TMED10: variants seen among roughly 807,000 people sequenced by gnomAD.
The protein encoded by TMED10 is transmembrane p24 trafficking protein 10, also known as transmembrane emp24 domain-containing protein 10.
Under a neutral mutation model 23.1 loss-of-function variants are expected in TMED10, and 7 were observed. That is an observed-to-expected ratio of 0.30 (90% CI 0.17 to 0.57). TMED10 has a LOEUF of 0.57. Ranked by LOEUF, TMED10 falls within the 20% of genes least tolerant of loss-of-function variation. The probability of loss-of-function intolerance (pLI) is 0.91; values close to 1 mark genes in which losing one functional copy is unlikely to be tolerated. For synonymous variants in TMED10, 113 were observed against 106.9 expected, an observed-to-expected ratio of 1.06 and a Z score of -0.35; for missense variants, 162 against 274.8, an observed-to-expected ratio of 0.59 and a Z score of 2.90.
rs554043879 is a variant in TMED10, at chr14:75,133,048, T to C, written c.*1837A>G. On this transcript the variant is annotated 3_prime_UTR_variant, in exon 5 of 5. Transcript: ENST00000303575. Reference sequence around the variant, plus strand: ...CCTACAGTGATTATTGGCTTTGCTTTCATAACATGTATTTTTAAGTATTTA... The same window carrying C: ...CCTACAGTGATTATTGGCTTTGCTTCCATAACATGTATTTTTAAGTATTTA... 1.3e-5 allele frequency: 2 copies of C among 152,364 alleles called. No homozygotes were observed. The highest frequency in any genetic ancestry group is 4.8e-5 in the African/African-American group (2 of 41,586). The allele number at this position is 152,364 out of a possible 1,614,324, so 9.4% of individuals were successfully genotyped here. A position where few individuals can be genotyped will look rare whatever the true frequency, so the allele number is the denominator to read the frequency against.
chr14:75,164,538 TA>T (rs1896126722), intron 1 of TMED10, among the ~76,000 whole-genome samples: 1 of 8,918 alleles, frequency 1.1e-4, no homozygotes, highest in Non-Finnish European at 2.4e-4. Context: ...GCCTAATATA[TA>T]TATATATATA....
At chr14:75,158,696 G>A (rs1245389933) in intron 1 of TMED10, among the ~76,000 whole-genome samples, 5 of 151,768 alleles carry the variant, frequency 3.3e-5, no homozygotes, top group East Asian at 2.0e-4. Flanking sequence ...AGGCCGAGGC[G>A]GGCAGATCAC....
chr14:75,170,148 AC>A (rs1896214242), intron 1 of TMED10, among the ~76,000 whole-genome samples: 1 of 151,942 alleles, frequency 6.6e-6, no homozygotes, highest in Admixed American at 6.6e-5. Context: ...AATGGTGTGA[AC>A]CCCGGGGAGC....
chr14:75,160,876 C>G (rs918278911), intron 1 of TMED10, among the ~76,000 whole-genome samples: 1 of 152,090 alleles, frequency 6.6e-6, no homozygotes, highest in African/African-American at 2.4e-5. Flanking sequence ...AAAACCCTGT[C>G]TCTGCTAAAA....
intron 1 of TMED10, among the ~76,000 whole-genome samples, chr14:75,165,941 A>G (rs905808902): frequency 2.0e-5 from 3 of 150,924 alleles, no homozygotes; most frequent in Non-Finnish European, 4.4e-5. Flanking sequence ...CATTTGCTAC[A>G]TTAACTTAAC....
In TMED10 at chr14:75,147,252, G is replaced by A. The variant is rs1382806474; in HGVS notation, c.411+412C>T. Among the ~76,000 whole-genome samples, 10 of 145,854 alleles carry A rather than the reference G, an allele frequency of 6.9e-5. No homozygotes were observed. In the East Asian group the frequency reaches 1.4e-3, roughly 20 times the overall value. Reference sequence around the variant, plus strand: ...CGCCCAGGCTGGAGTGCAGTGGCACGATCTCGGCTCACTGCAGCCTCTGCC... The same window carrying A: ...CGCCCAGGCTGGAGTGCAGTGGCACAATCTCGGCTCACTGCAGCCTCTGCC... On this transcript the variant is annotated intron_variant, in intron 3 of 4. Transcript: ENST00000303575.
rs1241329195 is a variant in TMED10 at position 75,133,137 on chromosome 14, C to G, written c.*1748G>C. On this transcript the variant is annotated 3_prime_UTR_variant, in exon 5 of 5. Coordinates refer to ENST00000303575, the MANE Select transcript of TMED10 (RefSeq NM_006827.6). ...ATCTCTTAATTCTCTAGATGGAACACTGAAGGACAGGAATTAAGTAAGTGA... is the reference window on the plus strand; with the variant it reads ...ATCTCTTAATTCTCTAGATGGAACAGTGAAGGACAGGAATTAAGTAAGTGA... 6.6e-6 allele frequency: 1 copy of G among 152,144 alleles called. No individual in the cohort carries two copies. The highest frequency in any genetic ancestry group is 1.5e-5 in the Non-Finnish European group (1 of 68,046). The allele number at this position is 152,144 out of a possible 1,614,324, so 9.4% of individuals were successfully genotyped here.
chr14:75,147,784 T>C (rs764922489), intron 2 of TMED10, 47 bp from the exon 3 acceptor site: 9 of 1,602,444 alleles, frequency 5.6e-6, no homozygotes, highest in Middle Eastern at 3.4e-4. Context: ...CTTAAAATTC[T>C]GGGAAATTAC....
chr14:75,159,457 A>C (rs74374944), intron 1 of TMED10, among the ~76,000 whole-genome samples: 3,289 of 152,368 alleles, frequency 0.022, 73 homozygotes, highest in African/African-American at 0.052. Flanking sequence ...AAAGAGACTA[A>C]GTCATTGGCC....
Position 75,135,034 on chromosome 14 carries a change from A to G in TMED10, c.539-28T>C, listed in dbSNP as rs12435391. On this transcript the variant is annotated intron_variant, in intron 4 of 4. Coordinates refer to ENST00000303575, the MANE Select transcript of TMED10 (RefSeq NM_006827.6). ...AAAAAAAAACAAAAGCATTGTAAAC[A>G]TAATGAAGTGAGCCTCCTCAGCTGG... 776,423 of 1,611,808 alleles carry G rather than the reference A, an allele frequency of 0.48. 194,617 individuals carry two copies. Among genetic ancestry groups the G allele is most frequent in the East Asian group, 0.83 (37,174 of 44,846 alleles).
chr14:75,174,744 T>C (rs988289988), intron 1 of TMED10, among the ~76,000 whole-genome samples: 1 of 152,120 alleles, frequency 6.6e-6, no homozygotes, highest in Non-Finnish European at 1.5e-5. Context: ...TGAAACCCTT[T>C]TAAAAAGTAA....
At chr14:75,135,641 A>G in intron 4 of TMED10, 119 bp downstream of exon 4, 1 of 1,396,498 alleles carries the variant, frequency 7.2e-7, no homozygotes, top group Non-Finnish European at 9.7e-7. Context: ...CGAAGCAAGC[A>G]ATTTCCCCTC....
In TMED10 at chr14:75,163,010, G is replaced by C. The variant is rs558962913; in HGVS notation, c.226-10867C>G. On this transcript the variant is annotated intron_variant, in intron 1 of 4. Coordinates refer to ENST00000303575, the MANE Select transcript of TMED10 (RefSeq NM_006827.6). ...AGCACTTTAGGAGGCCGAAAGGGGA[G>C]GGTCACTTGAGTCCAGGAATTTGAG... Among the ~76,000 whole-genome samples the C allele has an allele frequency of 1.1e-4, 16 of 151,988 alleles. 1 individual carries two copies. The South Asian group carries it at 3.3e-3, about 32-fold the overall frequency.
At chr14:75,138,652 A>C (rs1045000277) in intron 3 of TMED10, among the ~76,000 whole-genome samples, 1 of 152,214 alleles carries the variant, frequency 6.6e-6, no homozygotes, top group African/African-American at 2.4e-5. Context: ...AGTATAAAGG[A>C]AATGGCATGA....
At chr14:75,159,871 G>T (rs1192965602) in intron 1 of TMED10, among the ~76,000 whole-genome samples, 2 of 152,162 alleles carry the variant, frequency 1.3e-5, no homozygotes, top group East Asian at 3.9e-4. Flanking sequence ...GACATCCGAA[G>T]ATTATTAAAG....
chr14:75,139,656 T>G (rs1220655858), intron 3 of TMED10, among the ~76,000 whole-genome samples: 1 of 148,838 alleles, frequency 6.7e-6, no homozygotes, highest in Admixed American at 6.8e-5. Context: ...AAAAAAAATC[T>G]ATTGAATCCC....
At chr14:75,162,044 C>G (rs1005952702) in intron 1 of TMED10, among the ~76,000 whole-genome samples, 3 of 151,972 alleles carry the variant, frequency 2.0e-5, no homozygotes, top group African/African-American at 4.8e-5. Flanking sequence ...GGGGGCAGAT[C>G]ATTTAAGGTC....
chr14:75,166,311 G>A (rs950943902), intron 1 of TMED10, among the ~76,000 whole-genome samples: 1 of 152,198 alleles, frequency 6.6e-6, no homozygotes, highest in African/African-American at 2.4e-5. Context: ...GTTCAGGTCT[G>A]TGGCCAGCTG....
At chr14:75,157,472 T>C (rs1261216689) in intron 1 of TMED10, among the ~76,000 whole-genome samples, 1 of 151,946 alleles carries the variant, frequency 6.6e-6, no homozygotes, top group Non-Finnish European at 1.5e-5. Context: ...GGCAATATAG[T>C]GGGATGCCGT....
Sources: allele counts gnomAD v4.1 joint callset (sites outside exome capture counted in the v4.1 genomes callset), GRCh38; gene constraint gnomAD v4.1.1; transcripts MANE v1.5; gene names NCBI Gene and HGNC (gene_info 2026-07-23, HGNC 2026-07-21).